BBS4: variants seen among roughly 807,000 people sequenced by gnomAD.
BBS4 encodes the protein BBSome complex member BBS4.
A neutral mutation model predicts 71.4 loss-of-function variants in BBS4; 58 were observed. The ratio of observed to expected loss-of-function variants is 0.81; its 90% confidence interval spans 0.66 to 1.01. The LOEUF is 1.01. Among genes scored for constraint, BBS4 ranks in the 50% least tolerant of loss-of-function variants. The probability of loss-of-function intolerance (pLI) is 0.00; values close to 1 mark genes in which losing one functional copy is unlikely to be tolerated. For synonymous variants in BBS4, 228 were observed against 216.8 expected, an observed-to-expected ratio of 1.05 and a Z score of -0.46; for missense variants, 660 against 607.9, an observed-to-expected ratio of 1.09 and a Z score of -0.90.
chr15:72,688,649 C>T (rs1008848677), intron 1 of BBS4, among the ~76,000 whole-genome samples: 4 of 152,166 alleles, frequency 2.6e-5, no homozygotes, highest in South Asian at 4.1e-4. Context: ...GTGATCTGCA[C>T]GCCTCGGTCT....
Position 72,733,480 on chromosome 15 carries a change from T to C in BBS4, c.1037-1633T>C, listed in dbSNP as rs553416290. Reference sequence around the variant, plus strand: ...GCTCCAGTGTCTGTTTCCCTCTGTGTCTCCATGTGTTCTCATCATTTAGCT... The same window carrying C: ...GCTCCAGTGTCTGTTTCCCTCTGTGCCTCCATGTGTTCTCATCATTTAGCT... On this transcript the variant is annotated intron_variant, in intron 12 of 15. Transcript: ENST00000268057. Among the ~76,000 whole-genome samples, 10 of 152,232 alleles carry C rather than the reference T, an allele frequency of 6.6e-5. No homozygotes were observed. In the South Asian group the frequency reaches 2.1e-3, roughly 32 times the overall value.
intron 2 of BBS4, chr15:72,697,924 C>A (rs570454205): frequency 8.8e-6 from 4 of 454,816 alleles, no homozygotes; most frequent in South Asian, 6.2e-5. Flanking sequence ...CTTGGTGGTT[C>A]TGAGAAAATA....
Position 72,736,945 on chromosome 15 carries a change from T to A in BBS4, c.1432T>A (p.Tyr478Asn). ...ACAGGCAATGTCTTCAGCAGCTGCATACAGGACGCTCCCCTCAGGTAGGAC... is the reference window on the plus strand; with the variant it reads ...ACAGGCAATGTCTTCAGCAGCTGCAAACAGGACGCTCCCCTCAGGTAGGAC... Reference protein sequence around the residue: ...LGQAMSSAAAYRTLPSGAGGT... With the variant: ...LGQAMSSAAANRTLPSGAGGT... Residue 478 changes from tyrosine to asparagine, a missense_variant, in exon 15 of 16, where the codon TAC becomes AAC. Transcript: ENST00000268057. 2 of 1,614,198 alleles carry A rather than the reference T, an allele frequency of 1.2e-6. No homozygotes were observed. Among genetic ancestry groups the A allele is most frequent in the Non-Finnish European group, 1.7e-6 (2 of 1,180,038 alleles).
Position 72,709,861 on chromosome 15 carries a change from A to C in BBS4, c.156+82A>C. 5.3e-6 allele frequency: 6 copies of C among 1,122,738 alleles called. No individual in the cohort carries two copies. In the South Asian group the frequency reaches 7.4e-5, roughly 14 times the overall value. The allele number at this position is 1,122,738 out of a possible 1,614,324, so 69.5% of individuals were successfully genotyped here. On this transcript the variant is annotated intron_variant, in intron 3 of 15. Transcript: ENST00000268057. ...CAGTGCCTGCTAAACAGAGTGTGGCAGTTTATATCTCAGTGATAAAACATG... is the reference window on the plus strand; with the variant it reads ...CAGTGCCTGCTAAACAGAGTGTGGCCGTTTATATCTCAGTGATAAAACATG...
intron 2 of BBS4, among the ~76,000 whole-genome samples, chr15:72,703,000 G>T (rs374817251): frequency 4.4e-5 from 1 of 22,798 alleles, no homozygotes; most frequent in Admixed American, 6.6e-4. Context: ...TAGTAGAGAC[G>T]GGGTTTCACC....
rs771559509 is a variant in BBS4 at position 72,735,985 on chromosome 15, C to G, written c.1248+19C>G. 6.1e-5 allele frequency: 98 copies of G among 1,613,762 alleles called. No individual in the cohort carries two copies. ...CTCTGAGGTATGTCTTTTATTAGCTCCCAAGAGTCATAAGTAAGCTCTCAG... is the reference window on the plus strand; with the variant it reads ...CTCTGAGGTATGTCTTTTATTAGCTGCCAAGAGTCATAAGTAAGCTCTCAG... On this transcript the variant is annotated intron_variant, in intron 14 of 15. Transcript: ENST00000268057.
At chr15:72,737,219 T>TATTA in intron 15 of BBS4, 1 of 612,658 alleles carries the variant, frequency 1.6e-6, no homozygotes, top group Non-Finnish European at 2.9e-6. Context: ...AGCAATATGT[T>TATTA]ATTAAGTATA....
intron 1 of BBS4, chr15:72,686,651 T>C (rs1415489072): frequency 9.8e-7 from 1 of 1,024,854 alleles, no homozygotes; most frequent in Non-Finnish European, 1.3e-6. Context: ...CGTCACTGCC[T>C]TCTGCCAGTG....
intron 2 of BBS4, among the ~76,000 whole-genome samples, chr15:72,700,698 G>C (rs865966006): frequency 6.6e-6 from 1 of 151,834 alleles, no homozygotes; most frequent in Non-Finnish European, 1.5e-5. Flanking sequence ...TATATATGTG[G>C]TAAGTATTTC....
intron 14 of BBS4, among the ~76,000 whole-genome samples, chr15:72,736,532 G>A (rs7167076): frequency 0.41 from 62,247 of 151,910 alleles, 13,378 homozygotes; most frequent in East Asian, 0.71. Flanking sequence ...TGTTTGGCCC[G>A]GTAATGCACC....
intron 2 of BBS4, among the ~76,000 whole-genome samples, chr15:72,708,188 G>A (rs774050955): frequency 4.6e-5 from 7 of 152,034 alleles, no homozygotes; most frequent in African/African-American, 1.7e-4. Context: ...GGATGGTCTC[G>A]ATCTTCTGAC....
At chr15:72,735,050 T>C (rs2065893653) in intron 12 of BBS4, 63 bp from the exon 13 acceptor site, 1 of 1,249,466 alleles carries the variant, frequency 8.0e-7, no homozygotes, top group Admixed American at 1.7e-5. Context: ...TTGGGGGTAG[T>C]CTTTAATACT....
At chr15:72,713,224 C>T (rs2151020695) in intron 4 of BBS4, among the ~76,000 whole-genome samples, 1 of 152,092 alleles carries the variant, frequency 6.6e-6, no homozygotes, top group East Asian at 1.9e-4. Flanking sequence ...ACGATACACA[C>T]ACTACTACAG....
At chr15:72,692,462 C>T (rs1231892691) in intron 1 of BBS4, among the ~76,000 whole-genome samples, 1 of 151,254 alleles carries the variant, frequency 6.6e-6, no homozygotes, top group Non-Finnish European at 1.5e-5. Context: ...ACCACAGGCG[C>T]AGGCCACACT....
intron 2 of BBS4, among the ~76,000 whole-genome samples, chr15:72,695,538 T>G (rs1385746381): frequency 1.3e-5 from 2 of 152,182 alleles, no homozygotes; most frequent in African/African-American, 2.4e-5. Context: ...CTGCCCACCT[T>G]GGCCTCCCAA....
At position 72,698,806 on chromosome 15, in the gene BBS4, C is replaced by G. The variant is rs939790388; in HGVS notation, c.76+3578C>G. On this transcript the variant is annotated intron_variant, in intron 2 of 15. Coordinates refer to ENST00000268057, the MANE Select transcript of BBS4 (RefSeq NM_033028.5). ...ACTGTGTATATATTTGGTTCTCAGA[C>G]GTGATTTTGATTTTGTAGATGCTGT... 2.6e-5 allele frequency among the ~76,000 whole-genome samples: 4 copies of G among 152,112 alleles called. No individual in the cohort carries two copies. In the East Asian group the frequency reaches 7.7e-4, roughly 29 times the overall value.
intron 4 of BBS4, among the ~76,000 whole-genome samples, chr15:72,713,357 G>T (rs62015950): frequency 1.2e-5 from 1 of 81,460 alleles, no homozygotes; most frequent in African/African-American, 3.9e-5. Flanking sequence ...ACACGCACAC[G>T]CACGCACGCA....
In BBS4 at chr15:72,695,217, G is replaced by A. The variant is rs775955872; in HGVS notation, c.65G>A (p.Arg22Gln). The stretch of plus-strand genomic sequence containing the variant: ...GTATCTACTGAGTCTCAAAAACCCC[G>A]GCAGAAAAAAGGTCTGTATGCAGTT... The part of the protein sequence containing the change: ...FPVSTESQKP[R>Q]QKKAPEFPIL... The change falls in exon 2 of 16, where the codon CGG becomes CAG. Residue 22 changes from arginine (R) to glutamine (Q), a missense_variant. Transcript: ENST00000268057. 3.1e-5 allele frequency: 49 copies of A among 1,602,400 alleles called. No individual in the cohort carries two copies. The highest frequency in any genetic ancestry group is 3.5e-5 in the Non-Finnish European group (41 of 1,170,176).
intron 2 of BBS4, among the ~76,000 whole-genome samples, chr15:72,708,305 C>T (rs1434068266): frequency 6.6e-6 from 1 of 152,036 alleles, no homozygotes; most frequent in African/African-American, 2.4e-5. Flanking sequence ...ATTTCTGTTG[C>T]GGGAAGTCAG....
Sources: allele counts gnomAD v4.1 joint callset (sites outside exome capture counted in the v4.1 genomes callset), GRCh38; gene constraint gnomAD v4.1.1; transcripts MANE v1.5; gene names NCBI Gene and HGNC (gene_info 2026-07-23, HGNC 2026-07-21).